The following TTC39C variants were observed in gnomAD, a reference collection of about 807,000 sequenced individuals.
TTC39C encodes the protein tetratricopeptide repeat protein 39C.
A neutral mutation model predicts 76.3 loss-of-function variants in TTC39C; 33 were observed. The ratio of observed to expected loss-of-function variants is 0.43; its 90% CI spans 0.33 to 0.58. The LOEUF (loss-of-function observed/expected upper bound fraction) is 0.58, where lower values mean the gene tolerates loss of function less well. Ranked by LOEUF, TTC39C falls within the 20% of genes least tolerant of loss-of-function variation. The probability of loss-of-function intolerance (pLI) is 0.04; values close to 1 mark genes in which losing one functional copy is unlikely to be tolerated. For missense variants in TTC39C, 595 were observed against 701.4 expected, an observed-to-expected ratio of 0.85 and a Z score of 1.71; for synonymous variants, 254 against 260.6, an observed-to-expected ratio of 0.97 and a Z score of 0.24.
At chr18:24,001,000 G>A (rs1173104831) in intron 1 of TTC39C, among the ~76,000 whole-genome samples, 1 of 152,146 alleles carries the variant, frequency 6.6e-6, no homozygotes, top group Non-Finnish European at 1.5e-5. Context: ...TGATCCAATG[G>A]CTTCTGTGTC....
In TTC39C at chr18:24,017,863, G is replaced by A. The variant is rs571021228; in HGVS notation, c.167+2825G>A. ...ATTGTTACAATTTAACAGTAGAAAC[G>A]TATTTTGTATCTAGTGTAACAATAT... is the stretch of plus-strand genomic sequence containing the variant. On this transcript the variant is annotated intron_variant, in intron 1 of 13. Transcript: ENST00000317571. Among the ~76,000 whole-genome samples, 21 of 152,216 alleles carry A rather than the reference G, an allele frequency of 1.4e-4. No individual in the cohort carries two copies. In the South Asian group the frequency reaches 3.1e-3, roughly 23 times the overall value.
At chr18:24,057,771 G>T (rs752510197) in intron 1 of TTC39C, among the ~76,000 whole-genome samples, 2 of 152,034 alleles carry the variant, frequency 1.3e-5, no homozygotes, top group African/African-American at 4.8e-5. Flanking sequence ...ATTCATTTCT[G>T]TTGTGAAAAT....
chr18:24,093,532 A>G (rs959627578), intron 6 of TTC39C, among the ~76,000 whole-genome samples: 2 of 152,104 alleles, frequency 1.3e-5, no homozygotes, highest in African/African-American at 2.4e-5. Context: ...ATTTTATACA[A>G]TCTCTTTTTC....
At chr18:24,019,886 C>T in intron 1 of TTC39C, 1 of 1,526,800 alleles carries the variant, frequency 6.5e-7, no homozygotes, top group Non-Finnish European at 8.7e-7. Flanking sequence ...TCTGAGAAAA[C>T]CTCAGCGCTT....
At chr18:24,071,806 T>G (rs941125235) in intron 4 of TTC39C, among the ~76,000 whole-genome samples, 3 of 152,256 alleles carry the variant, frequency 2.0e-5, no homozygotes, top group African/African-American at 7.2e-5. Context: ...CCTTTGCCTA[T>G]TCTTCTAATA....
chr18:24,040,726 C>A (rs1785963), intron 1 of TTC39C, among the ~76,000 whole-genome samples: 87 of 152,126 alleles, frequency 5.7e-4, no homozygotes, highest in African/African-American at 2.1e-3. Flanking sequence ...TGAAGGGCAT[C>A]TAGCGCGCTC....
intron 1 of TTC39C, among the ~76,000 whole-genome samples, chr18:24,018,003 G>T (rs924160587): frequency 5.1e-4 from 77 of 152,152 alleles, no homozygotes; most frequent in African/African-American, 1.8e-3. Flanking sequence ...TATCCTGAAG[G>T]CCACTCTTGA....
intron 1 of TTC39C, chr18:24,020,440 G>A (rs186242820): frequency 9.4e-5 from 39 of 412,954 alleles, no homozygotes; most frequent in African/African-American, 7.6e-4. Flanking sequence ...TACACAATGC[G>A]AAAGATGTGA....
At chr18:24,119,606 T>C (rs2084940031) in intron 8 of TTC39C, among the ~76,000 whole-genome samples, 1 of 141,174 alleles carries the variant, frequency 7.1e-6, no homozygotes, top group Non-Finnish European at 1.5e-5. Context: ...ATATTCCGCA[T>C]TGCAATCCCT....
At chr18:23,998,685 T>TAAA in intron 1 of TTC39C, among the ~76,000 whole-genome samples, 1 of 152,206 alleles carries the variant, frequency 6.6e-6, no homozygotes, top group Non-Finnish European at 1.5e-5. Context: ...TATAAAGGTA[T>TAAA]TTACACATCC....
chr18:24,004,172 C>A (rs1380195533), intron 1 of TTC39C, among the ~76,000 whole-genome samples: 1 of 152,166 alleles, frequency 6.6e-6, no homozygotes, highest in Non-Finnish European at 1.5e-5. Context: ...CTTTCTGGAG[C>A]AGTAAGGGAA....
chr18:24,054,725 A>T (rs1423856202), intron 1 of TTC39C, among the ~76,000 whole-genome samples: 2 of 152,180 alleles, frequency 1.3e-5, no homozygotes, highest in Non-Finnish European at 2.9e-5. Context: ...TTTTCAATTA[A>T]TTTGTTAAAT....
At chr18:24,021,580 C>T (rs1423697096) in intron 1 of TTC39C, among the ~76,000 whole-genome samples, 1 of 131,958 alleles carries the variant, frequency 7.6e-6, no homozygotes, top group African/African-American at 2.9e-5. Context: ...GAGTCTTGCT[C>T]CATTGCCCAG....
chr18:24,108,118 A>G (rs1438423495), intron 6 of TTC39C, among the ~76,000 whole-genome samples: 3 of 152,238 alleles, frequency 2.0e-5, no homozygotes, highest in Non-Finnish European at 2.9e-5. Context: ...TTAGGGAACA[A>G]GGGACTATTG....
At chr18:24,124,533 G>GA (rs1337097991) in intron 9 of TTC39C, among the ~76,000 whole-genome samples, 1 of 152,204 alleles carries the variant, frequency 6.6e-6, no homozygotes. Context: ...AGACTGTAGA[G>GA]ACAGTATTCC....
intron 1 of TTC39C, among the ~76,000 whole-genome samples, chr18:24,017,769 T>C (rs1382318212): frequency 6.6e-6 from 1 of 152,196 alleles, no homozygotes; most frequent in African/African-American, 2.4e-5. Context: ...ACCCTCTCTG[T>C]CTCCTTTTTT....
intron 1 of TTC39C, among the ~76,000 whole-genome samples, chr18:24,023,897 A>G (rs1429825861): frequency 1.4e-5 from 2 of 141,218 alleles, no homozygotes; most frequent in Admixed American, 1.5e-4. Context: ...CATGCATACA[A>G]TGTCTAAAAA....
intron 1 of TTC39C, among the ~76,000 whole-genome samples, chr18:24,062,426 G>T (rs367823576): frequency 2.6e-5 from 4 of 152,178 alleles, no homozygotes; most frequent in Non-Finnish European, 5.9e-5. Flanking sequence ...GTGTAAGGTG[G>T]ATATGATATA....
intron 1 of TTC39C, among the ~76,000 whole-genome samples, chr18:24,034,677 T>A (rs1193926590): frequency 6.6e-6 from 1 of 152,216 alleles, no homozygotes. Context: ...TTCTGCTTTC[T>A]GTCTCTATGA....
Sources: gnomAD v4.1 joint callset for allele counts (sites outside exome capture counted in the v4.1 genomes callset) on GRCh38, gnomAD v4.1.1 for gene constraint, MANE v1.5 for transcripts, NCBI Gene and HGNC (gene_info 2026-07-23, HGNC 2026-07-21) for gene names.